The following KHDRBS2 variants were observed in gnomAD, a reference collection of about 807,000 sequenced individuals.
KHDRBS2 encodes the protein KH RNA binding domain containing, signal transduction associated 2.
Under a neutral mutation model 44.3 loss-of-function variants are expected in KHDRBS2, and 26 were observed. The ratio of observed to expected loss-of-function variants is 0.59; its 90% CI spans 0.43 to 0.81. The LOEUF is 0.81. Ranked by LOEUF, KHDRBS2 falls within the 40% of genes least tolerant of loss-of-function variation. The pLI is 0.00. For missense variants in KHDRBS2, 476 were observed against 433.1 expected, an observed-to-expected ratio of 1.10 and a Z score of -0.88; for synonymous variants, 194 against 151.1, an observed-to-expected ratio of 1.28 and a Z score of -2.08.
intron 6 of KHDRBS2, among the ~76,000 whole-genome samples, chr6:61,831,000 TA>T (rs927566649): frequency 5.3e-5 from 8 of 151,922 alleles, no homozygotes; most frequent in East Asian, 3.9e-4. Flanking sequence ...TATTAAGATA[TA>T]AAAAAAAGTC....
chr6:62,194,562 A>C (rs1466397069), intron 1 of KHDRBS2, among the ~76,000 whole-genome samples: 3 of 135,140 alleles, frequency 2.2e-5, no homozygotes, highest in Non-Finnish European at 4.5e-5. Context: ...GTAGACAGGC[A>C]CAATCTCAGC....
intron 2 of KHDRBS2, among the ~76,000 whole-genome samples, chr6:62,165,663 C>A (rs1818534575): frequency 6.6e-6 from 1 of 151,276 alleles, no homozygotes; most frequent in African/African-American, 2.4e-5. Context: ...GTAAAATAGA[C>A]AGCATAAAAT....
At chr6:61,578,712 G>A in the KHDRBS2 span, among the ~76,000 whole-genome samples, 5 of 152,030 alleles carry the variant, frequency 3.3e-5, no homozygotes, top group Non-Finnish European at 5.9e-5. Flanking sequence ...CAGATTTGTC[G>A]GTAGTAAAGC....
At chr6:62,114,899 G>GA (rs892893397) in intron 2 of KHDRBS2, among the ~76,000 whole-genome samples, 63 of 151,328 alleles carry the variant, frequency 4.2e-4, no homozygotes, top group African/African-American at 9.5e-4. Context: ...GTTAAAAATG[G>GA]AAAAAAACTC....
At chr6:61,858,111 A>C (rs533261479) in intron 6 of KHDRBS2, among the ~76,000 whole-genome samples, 1 of 152,008 alleles carries the variant, frequency 6.6e-6, no homozygotes, top group South Asian at 2.1e-4. Flanking sequence ...AGCTTGACTT[A>C]TTTGGTTGAT....
rs1167981369 is a variant in KHDRBS2, at chr6:61,894,638, T to G, written c.807A>C (p.Glu269Asp). ...CTTATTTCTTAAGAGTACTTACATA[T>G]TCTTCATAAGCTTCATGGGCTGGAG... ...PPPPAHEAYEEYGYDDGYGGE... is the reference protein window; with the variant it reads ...PPPPAHEAYEDYGYDDGYGGE... The change falls in exon 6 of 9, where the codon GAA (glutamate) becomes GAC (aspartate). Residue 269 changes from glutamate to aspartate, a missense_variant. By Grantham distance (45) the Glu-to-Asp change is conservative. Transcript: ENST00000281156. 2 of 1,609,510 alleles carry G rather than the reference T, an allele frequency of 1.2e-6. No homozygotes were observed. The highest frequency in any genetic ancestry group is 2.7e-5 in the African/African-American group (2 of 74,728).
downstream of KHDRBS2, among the ~76,000 whole-genome samples, chr6:61,676,101 G>C (rs1332930562): frequency 6.6e-6 from 1 of 151,756 alleles, no homozygotes; most frequent in Admixed American, 6.6e-5. Context: ...ACTGACAAGA[G>C]AAGGCATCCT....
At chr6:62,116,247 C>T (rs1806191362) in intron 2 of KHDRBS2, among the ~76,000 whole-genome samples, 1 of 151,978 alleles carries the variant, frequency 6.6e-6, no homozygotes, top group South Asian at 2.1e-4. Flanking sequence ...ATATAAAATA[C>T]ATTATTATTA....
chr6:61,985,373 T>C (rs762675972), intron 3 of KHDRBS2, among the ~76,000 whole-genome samples: 10 of 152,178 alleles, frequency 6.6e-5, no homozygotes, highest in Non-Finnish European at 1.5e-4. Flanking sequence ...ACCTTTTCTG[T>C]AGAGATTCTT....
At chr6:61,816,770 C>T (rs1789020942) in intron 6 of KHDRBS2, 1 of 369,304 alleles carries the variant, frequency 2.7e-6, no homozygotes, top group Non-Finnish European at 5.4e-6. Flanking sequence ...ATTAACTCAC[C>T]ATATTCATTC....
At chr6:62,170,857 C>T (rs532842095) in intron 2 of KHDRBS2, among the ~76,000 whole-genome samples, 2 of 151,622 alleles carry the variant, frequency 1.3e-5, no homozygotes, top group South Asian at 4.2e-4. Context: ...CAGAACTGAG[C>T]TGTGGCCCCC....
At chr6:61,894,908 T>G in intron 5 of KHDRBS2, 75 bp from the exon 6 acceptor site, 1 of 900,640 alleles carries the variant, frequency 1.1e-6, no homozygotes, top group African/African-American at 1.7e-5. Flanking sequence ...AAAGTTTTCA[T>G]CTCACAGCCT....
the KHDRBS2 span, among the ~76,000 whole-genome samples, chr6:61,630,936 G>A: frequency 6.6e-6 from 1 of 152,112 alleles, no homozygotes; most frequent in Non-Finnish European, 1.5e-5. Flanking sequence ...TCAGTGAGAG[G>A]CAGGATTGCT....
intron 1 of KHDRBS2, among the ~76,000 whole-genome samples, chr6:62,223,568 A>G (rs964146540): frequency 9.2e-5 from 14 of 152,304 alleles, no homozygotes; most frequent in African/African-American, 3.4e-4. Flanking sequence ...TTACTTTTCT[A>G]TCACATTGTC....
At chr6:61,955,110 A>ACATACGTG (rs1562516692) in intron 4 of KHDRBS2, among the ~76,000 whole-genome samples, 2 of 144,076 alleles carry the variant, frequency 1.4e-5, no homozygotes, top group Admixed American at 6.9e-5. Flanking sequence ...ATATATACAC[A>ACATACGTG]TATGTGTATA....
At chr6:61,947,980 A>G (rs1487604364) in intron 4 of KHDRBS2, among the ~76,000 whole-genome samples, 1 of 151,184 alleles carries the variant, frequency 6.6e-6, no homozygotes, top group South Asian at 2.1e-4. Flanking sequence ...TCATGAGAAC[A>G]TGAAGTTCAG....
intron 6 of KHDRBS2, among the ~76,000 whole-genome samples, chr6:61,800,283 A>C (rs1786050305): frequency 6.6e-6 from 1 of 152,110 alleles, no homozygotes; most frequent in African/African-American, 2.4e-5. Flanking sequence ...ATTGCTACAT[A>C]GTGTATTGTT....
At chr6:61,954,913 C>CATATGT (rs1766086836) in intron 4 of KHDRBS2, among the ~76,000 whole-genome samples, 1 of 53,866 alleles carries the variant, frequency 1.9e-5, no homozygotes, top group African/African-American at 1.1e-4. Flanking sequence ...TGTGTGCATA[C>CATATGT]ATATATATGT....
chr6:62,041,528 G>A, intron 3 of KHDRBS2, among the ~76,000 whole-genome samples: 1 of 151,974 alleles, frequency 6.6e-6, no homozygotes, highest in Non-Finnish European at 1.5e-5. Context: ...TGGTGGGAGA[G>A]ACCCTGATTC....
Sources: allele counts gnomAD v4.1 joint callset (sites outside exome capture counted in the v4.1 genomes callset), GRCh38; gene constraint gnomAD v4.1.1; transcripts MANE v1.5; gene names NCBI Gene and HGNC (gene_info 2026-07-23, HGNC 2026-07-21).